The following PLBD1 variants were observed in gnomAD, a reference collection of about 807,000 sequenced individuals.
PLBD1 encodes lysosomal leucine aminopeptidase.
PLBD1 carries 60 observed loss-of-function variants against 63.0 expected under a neutral mutation model. That is an observed-to-expected ratio of 0.95 (90% confidence interval 0.77 to 1.18). PLBD1 has a LOEUF of 1.18. Ranked by LOEUF, PLBD1 falls within the 50% of genes most tolerant of loss-of-function variation. The pLI is 0.00. For synonymous variants in PLBD1, 262 were observed against 248.0 expected (o/e 1.06, Z -0.53); for missense variants, 598 against 677.9 (o/e 0.88, Z 1.31).
intron 2 of PLBD1, among the ~76,000 whole-genome samples, chr12:14,544,158 G>C (rs1191243672): frequency 4.6e-5 from 7 of 151,962 alleles, no homozygotes; most frequent in African/African-American, 1.5e-4. Flanking sequence ...AATTTAAAAG[G>C]CTGTGTCTTC....
At chr12:14,567,346 G>T (rs917442973) in intron 1 of PLBD1, among the ~76,000 whole-genome samples, 3 of 152,230 alleles carry the variant, frequency 2.0e-5, no homozygotes, top group Non-Finnish European at 2.9e-5. Context: ...TGTTGGCCAA[G>T]AATTCGGGCC....
At chr12:14,562,372 A>C (rs1565582217) in intron 1 of PLBD1, among the ~76,000 whole-genome samples, 1 of 146,702 alleles carries the variant, frequency 6.8e-6, no homozygotes, top group Non-Finnish European at 1.5e-5. Context: ...AGGTAGGAGG[A>C]TCGCTGGAAC....
intron 6 of PLBD1, among the ~76,000 whole-genome samples, chr12:14,529,490 A>G (rs1024474941): frequency 6.6e-6 from 1 of 152,198 alleles, no homozygotes; most frequent in Non-Finnish European, 1.5e-5. Context: ...AAATCAATCA[A>G]TGTAACTTAT....
At chr12:14,514,278 G>C (rs549193080) in intron 6 of PLBD1, among the ~76,000 whole-genome samples, 1 of 152,142 alleles carries the variant, frequency 6.6e-6, no homozygotes, top group African/African-American at 2.4e-5. Flanking sequence ...GATTGCATTC[G>C]TGTCTTGGGC....
chr12:14,519,258 A>T (rs1347728008), intron 6 of PLBD1, among the ~76,000 whole-genome samples: 1 of 152,206 alleles, frequency 6.6e-6, no homozygotes, highest in Non-Finnish European at 1.5e-5. Flanking sequence ...CAGAGCATTA[A>T]AAAGGTAATT....
chr12:14,519,982 G>C lies in PLBD1; in HGVS notation c.845-8271C>G, dbSNP rs78446133. On this transcript the variant is annotated intron_variant, in intron 6 of 10. Transcript: ENST00000240617. The stretch of plus-strand genomic sequence containing the variant: ...GCAAGAGAACCACAAGAAGAGCAGA[G>C]ATCCAAAATCTGAATATGAACTGTG... Among the ~76,000 whole-genome samples, 401 of 152,302 alleles carry C rather than the reference G, an allele frequency of 2.6e-3. 3 individuals are homozygous for C. Among genetic ancestry groups the C allele is most frequent in the African/African-American group, 9.4e-3 (390 of 41,562 alleles).
intron 6 of PLBD1, among the ~76,000 whole-genome samples, chr12:14,515,690 C>T (rs943091333): frequency 3.3e-5 from 5 of 152,062 alleles, no homozygotes; most frequent in African/African-American, 1.2e-4. Context: ...ATTATGAAGA[C>T]TTGACTTAAA....
At chr12:14,518,842 C>T (rs980979957) in intron 6 of PLBD1, among the ~76,000 whole-genome samples, 1 of 151,970 alleles carries the variant, frequency 6.6e-6, no homozygotes, top group Non-Finnish European at 1.5e-5. Flanking sequence ...GGAGAGATAA[C>T]TTACTTGGCC....
Position 14,511,507 on chromosome 12 carries a change from T to G in PLBD1, c.1045+4A>C. 1.9e-6 allele frequency: 3 copies of G among 1,614,210 alleles called. No homozygotes were observed. The highest frequency in any genetic ancestry group is 2.5e-6 in the Non-Finnish European group (3 of 1,180,030). ...CCTAACAGTTATTCTGCAGGGTCAC[T>G]TACCAGAGTTGTATTTTGAAAAGAT... On this transcript the variant is annotated splice_donor_region_variant and intron_variant, in intron 7 of 10. Transcript: ENST00000240617.
intron 1 of PLBD1, among the ~76,000 whole-genome samples, chr12:14,566,058 A>C (rs1945777703): frequency 6.6e-6 from 1 of 152,204 alleles, no homozygotes. Flanking sequence ...CTCCACCTAC[A>C]AAAACACTTA....
Position 14,503,828 on chromosome 12 carries a change from C to T in PLBD1, c.1606G>A (p.Val536Ile), listed in dbSNP as rs1945224594. The T allele has an allele frequency of 1.2e-6, 2 of 1,613,816 alleles. No homozygotes were observed. Among genetic ancestry groups the T allele is most frequent in the African/African-American group, 2.7e-5 (2 of 74,876 alleles). The change falls in exon 11 of 11, where the codon GTC becomes ATC. Residue 536 changes from valine to isoleucine, a missense_variant. Val to Ile is a conservative substitution (Grantham distance 29, BLOSUM62 3). Coordinates refer to ENST00000240617, the MANE Select transcript of PLBD1 (RefSeq NM_024829.6). ...ATGGTAATAAAATCAAAGTTGTAGA[C>T]CTCTGGCATGCCCTGATGTAGAGTT... ...NKTLHQGMPE[V>I]YNFDFITMKP...
chr12:14,565,159 G>T (rs1945771189), intron 1 of PLBD1, among the ~76,000 whole-genome samples: 1 of 152,098 alleles, frequency 6.6e-6, no homozygotes, highest in African/African-American at 2.4e-5. Context: ...ACAAATTGAA[G>T]AATATGCAAG....
chr12:14,553,111 G>T, intron 2 of PLBD1, 82 bp downstream of exon 2: 1 of 1,220,072 alleles, frequency 8.2e-7, no homozygotes, highest in Non-Finnish European at 1.2e-6. Context: ...AATGTGCAAT[G>T]CCAGGAAGAT....
At chr12:14,508,427 A>G (rs1945271710) in intron 8 of PLBD1, among the ~76,000 whole-genome samples, 1 of 152,238 alleles carries the variant, frequency 6.6e-6, no homozygotes, top group Non-Finnish European at 1.5e-5. Context: ...ATGAATAACG[A>G]AAATGTCTAC....
intron 1 of PLBD1, among the ~76,000 whole-genome samples, chr12:14,567,379 G>T (rs1272083535): frequency 6.6e-6 from 1 of 152,212 alleles, no homozygotes; most frequent in Non-Finnish European, 1.5e-5. Context: ...GTTGGCAGAC[G>T]CACTCGCCAT....
At chr12:14,543,612 C>T (rs1457488986) in intron 2 of PLBD1, among the ~76,000 whole-genome samples, 2 of 152,034 alleles carry the variant, frequency 1.3e-5, no homozygotes, top group African/African-American at 4.8e-5. Context: ...GTAATCCCAG[C>T]TACTTGGGAG....
At chr12:14,521,023 G>A (rs1477169448) in intron 6 of PLBD1, among the ~76,000 whole-genome samples, 1 of 152,158 alleles carries the variant, frequency 6.6e-6, no homozygotes, top group Non-Finnish European at 1.5e-5. Context: ...TGGAGGGCCA[G>A]TAACCACTGT....
intron 6 of PLBD1, among the ~76,000 whole-genome samples, chr12:14,533,831 G>A (rs1367891387): frequency 6.6e-6 from 1 of 152,188 alleles, no homozygotes; most frequent in African/African-American, 2.4e-5. Flanking sequence ...GAGAAATACT[G>A]GGTTATGCCC....
rs1334036270 is a variant in PLBD1 at position 14,506,927 on chromosome 12, A to G, written c.1372+6T>C. On this transcript the variant is annotated splice_donor_region_variant and intron_variant, in intron 9 of 10. Transcript: ENST00000240617. ...AAGAATGATTCTTGAGAAATATGCT[A>G]CGTACTGTTGTATCGCATGATATAT... is the stretch of plus-strand genomic sequence containing the variant. 8.1e-6 allele frequency: 13 copies of G among 1,611,318 alleles called. No individual in the cohort carries two copies. Among genetic ancestry groups the G allele is most frequent in the Admixed American group, 1.7e-5 (1 of 59,884 alleles).
Sources: allele counts gnomAD v4.1 joint callset (sites outside exome capture counted in the v4.1 genomes callset), GRCh38; gene constraint gnomAD v4.1.1; transcripts MANE v1.5; gene names NCBI Gene and HGNC (gene_info 2026-07-23, HGNC 2026-07-21).